Variants in MED13L observed in about 807,000 individuals in gnomAD.
MED13L encodes mediator complex subunit 13L, also known as mediator of RNA polymerase II transcription subunit 13-like.
Under a neutral mutation model 220.9 loss-of-function variants are expected in MED13L, and 7 were observed. The observed-to-expected ratio is 0.03, with a 90% confidence interval of 0.02 to 0.06. The LOEUF is 0.06. MED13L is among the 10% of genes least tolerant of loss of function. The pLI is 1.00. For synonymous variants in MED13L, 1,011 were observed against 1,015.2 expected, an observed-to-expected ratio of 1.00 and a Z score of 0.08; for missense variants, 1,965 against 2,760.5, an observed-to-expected ratio of 0.71 and a Z score of 6.46.
chr12:116,108,672 AT>A (rs1873811397), intron 3 of MED13L, among the ~76,000 whole-genome samples: 1 of 152,234 alleles, frequency 6.6e-6, no homozygotes, highest in African/African-American at 2.4e-5. Context: ...CATAGAAACT[AT>A]ATGAAGATGG....
intron 3 of MED13L, among the ~76,000 whole-genome samples, chr12:116,097,188 T>C (rs999534845): frequency 3.9e-5 from 6 of 151,902 alleles, no homozygotes; most frequent in Non-Finnish European, 8.8e-5. Flanking sequence ...CTCTGTTGCC[T>C]AGGCTGGAGG....
In MED13L at chr12:116,216,910, G is replaced by A. The variant is rs990497954; in HGVS notation, c.310+20558C>T. 7.2e-5 allele frequency among the ~76,000 whole-genome samples: 11 copies of A among 152,254 alleles called. 1 individual carries two copies. In the South Asian group the frequency reaches 1.5e-3, roughly 20 times the overall value. On this transcript the variant is annotated intron_variant, in intron 2 of 30. Coordinates refer to ENST00000281928, the MANE Select transcript of MED13L (RefSeq NM_015335.5). ...CCCATATCAATGTACAAAAATACCC[G>A]ACAGTAATATATGGCAGCAAAGTTA...
chr12:116,145,259 T>G (rs1172826619), intron 2 of MED13L, among the ~76,000 whole-genome samples: 1 of 152,224 alleles, frequency 6.6e-6, no homozygotes, highest in African/African-American at 2.4e-5. Flanking sequence ...TCAATCTCTA[T>G]GCACATCACT....
chr12:116,050,825 G>C (rs1420889328), intron 4 of MED13L, among the ~76,000 whole-genome samples: 2 of 152,052 alleles, frequency 1.3e-5, no homozygotes, highest in Non-Finnish European at 2.9e-5. Context: ...AGTAATCCCA[G>C]CTGTTCAGGA....
intron 25 of MED13L, 55 bp from the exon 26 acceptor site, chr12:115,972,291 G>C (rs1367056674): frequency 1.3e-6 from 2 of 1,598,474 alleles, no homozygotes. Flanking sequence ...ACTGATGGGA[G>C]ATTTGAGCTT....
chr12:116,169,840 T>A (rs1879544641), intron 2 of MED13L, among the ~76,000 whole-genome samples: 1 of 152,018 alleles, frequency 6.6e-6, no homozygotes, highest in East Asian at 1.9e-4. Context: ...GGCGACTCCA[T>A]CTCTACAAAA....
At chr12:116,173,650 A>G (rs962440867) in intron 2 of MED13L, among the ~76,000 whole-genome samples, 1 of 152,158 alleles carries the variant, frequency 6.6e-6, no homozygotes, top group African/African-American at 2.4e-5. Context: ...CCTTTCCTCA[A>G]CTGCCTTACA....
intron 1 of MED13L, among the ~76,000 whole-genome samples, chr12:116,270,468 A>G (rs1798282099): frequency 6.6e-6 from 1 of 152,132 alleles, no homozygotes; most frequent in Non-Finnish European, 1.5e-5. Context: ...GTTCAGTAAT[A>G]AAACAAGGGA....
chr12:116,218,599 AAAAGAT>A (rs1355691702), intron 2 of MED13L, among the ~76,000 whole-genome samples: 1 of 152,196 alleles, frequency 6.6e-6, no homozygotes, highest in Non-Finnish European at 1.5e-5. Context: ...ACTTTTCAGA[AAAAGAT>A]AAAGAAGTTG....
At chr12:116,174,331 G>T (rs1405984992) in intron 2 of MED13L, among the ~76,000 whole-genome samples, 1 of 152,000 alleles carries the variant, frequency 6.6e-6, no homozygotes, top group Non-Finnish European at 1.5e-5. Context: ...ACTGCCCAAG[G>T]GTAAATGATA....
Position 116,277,139 on chromosome 12 carries a change from C to T in MED13L, c.-8G>A. The T allele has an allele frequency of 6.4e-7, 1 of 1,569,868 alleles. No individual in the cohort carries two copies. Among genetic ancestry groups the T allele is most frequent in the African/African-American group, 1.4e-5 (1 of 74,000 alleles). ...GTTCGCTGCCGCAGTCATGATCCTCCGCGAGCCCGGCCGCCAGAGCGGGGC... is the reference window on the plus strand; with the variant it reads ...GTTCGCTGCCGCAGTCATGATCCTCTGCGAGCCCGGCCGCCAGAGCGGGGC... On this transcript the variant is annotated 5_prime_UTR_variant, in exon 1 of 31. Transcript: ENST00000281928.
At chr12:116,114,114 T>TA (rs1874323584) in intron 2 of MED13L, among the ~76,000 whole-genome samples, 2 of 152,168 alleles carry the variant, frequency 1.3e-5, no homozygotes, top group Non-Finnish European at 2.9e-5. Flanking sequence ...TCCTTTTTTT[T>TA]AAACATGCAG....
chr12:116,121,783 C>CA (rs1875116939), intron 2 of MED13L, among the ~76,000 whole-genome samples: 3 of 152,258 alleles, frequency 2.0e-5, no homozygotes, highest in African/African-American at 7.2e-5. Context: ...CCTCAGGCAT[C>CA]AAAACTAATG....
intron 2 of MED13L, among the ~76,000 whole-genome samples, chr12:116,156,448 A>C (rs1878447495): frequency 6.6e-6 from 1 of 151,706 alleles, no homozygotes; most frequent in Non-Finnish European, 1.5e-5. Context: ...AATGAAGTTC[A>C]ATACATCTGA....
At chr12:116,136,114 G>C (rs1025986689) in intron 2 of MED13L, among the ~76,000 whole-genome samples, 1 of 152,086 alleles carries the variant, frequency 6.6e-6, no homozygotes, top group Non-Finnish European at 1.5e-5. Context: ...TCTTGGCCAG[G>C]CTGGTCTTGA....
At chr12:116,075,966 T>C (rs1870762192) in intron 4 of MED13L, among the ~76,000 whole-genome samples, 1 of 145,964 alleles carries the variant, frequency 6.9e-6, no homozygotes, top group Non-Finnish European at 1.5e-5. Context: ...CAGGCTGGAG[T>C]GCAGTGGCGC....
At chr12:116,199,771 AG>A (rs1881882516) in intron 2 of MED13L, among the ~76,000 whole-genome samples, 2 of 152,124 alleles carry the variant, frequency 1.3e-5, no homozygotes, top group Admixed American at 1.3e-4. Context: ...CCACCCCTCA[AG>A]AAATAAAGAA....
At chr12:116,043,629 C>G (rs1221350794) in intron 4 of MED13L, among the ~76,000 whole-genome samples, 1 of 152,180 alleles carries the variant, frequency 6.6e-6, no homozygotes, top group African/African-American at 2.4e-5. Flanking sequence ...AAACTGGGAA[C>G]CAAGAGTATA....
intron 1 of MED13L, 121 bp downstream of exon 1, chr12:116,276,939 C>A (rs1873904741): frequency 3.5e-6 from 4 of 1,134,656 alleles, no homozygotes; most frequent in Non-Finnish European, 5.1e-6. Flanking sequence ...AGGCGAACGG[C>A]GGGGAGACGC....
Sources: gnomAD v4.1 joint callset for allele counts (sites outside exome capture counted in the v4.1 genomes callset) on GRCh38, gnomAD v4.1.1 for gene constraint, MANE v1.5 for transcripts, NCBI Gene and HGNC (gene_info 2026-07-23, HGNC 2026-07-21) for gene names.